The following CDH13 variants were observed in gnomAD, a reference collection of about 807,000 sequenced individuals.
CDH13 encodes cadherin 13.
CDH13 carries 24 observed loss-of-function variants against 63.8 expected under a neutral mutation model. That is an observed-to-expected ratio of 0.38 (90% CI 0.27 to 0.53). CDH13 has a LOEUF of 0.53. CDH13 is among the 20% of genes least tolerant of loss of function. The pLI, the probability that CDH13 is intolerant of heterozygous loss-of-function variation, is 0.85. For missense variants in CDH13, 1,049 were observed against 903.1 expected (o/e 1.16, Z -2.07); for synonymous variants, 503 against 355.3 (o/e 1.42, Z -4.67).
intron 1 of CDH13, among the ~76,000 whole-genome samples, chr16:82,710,963 A>C (rs1355718209): frequency 6.6e-6 from 1 of 151,744 alleles, no homozygotes; most frequent in East Asian, 1.9e-4. Context: ...TTAAAAAAAA[A>C]AGCTAGTGCA....
At chr16:83,491,923 T>A (rs1474646060) in intron 7 of CDH13, among the ~76,000 whole-genome samples, 1 of 152,140 alleles carries the variant, frequency 6.6e-6, no homozygotes, top group Middle Eastern at 3.2e-3. Context: ...CCATGGTAAG[T>A]GTTACATAAG....
chr16:83,787,050 C>G (rs9931879), intron 13 of CDH13, among the ~76,000 whole-genome samples: 20,041 of 152,160 alleles, frequency 0.13, 2,224 homozygotes, highest in African/African-American at 0.31. Flanking sequence ...TTTTACTACA[C>G]ACAAACTGAC....
intron 1 of CDH13, among the ~76,000 whole-genome samples, chr16:82,727,953 C>A (rs916262237): frequency 6.6e-6 from 1 of 152,152 alleles, no homozygotes; most frequent in East Asian, 1.9e-4. Flanking sequence ...GGTTCAAATT[C>A]CCCTGAATGA....
rs1343322414 is a variant in CDH13, at chr16:82,828,699, T to C, written c.46-29663T>C. On this transcript the variant is annotated intron_variant, in intron 1 of 13. Transcript: ENST00000567109. The stretch of plus-strand genomic sequence containing the variant: ...ATATGTATACACAAACATATATATA[T>C]ACATATATACACACACACATTCAAA... 3.3e-5 allele frequency among the ~76,000 whole-genome samples: 5 copies of C among 152,022 alleles called. No individual in the cohort carries two copies. The East Asian group carries it at 7.7e-4, about 23-fold the overall frequency.
chr16:82,763,595 TA>T (rs1215503058), intron 1 of CDH13, among the ~76,000 whole-genome samples: 1 of 152,262 alleles, frequency 6.6e-6, no homozygotes, highest in African/African-American at 2.4e-5. Context: ...AATGATAATT[TA>T]TTGAAAACAA....
At chr16:83,618,573 C>T (rs1025212753) in intron 8 of CDH13, among the ~76,000 whole-genome samples, 1 of 152,104 alleles carries the variant, frequency 6.6e-6, no homozygotes, top group Non-Finnish European at 1.5e-5. Flanking sequence ...ACCCAGGCTC[C>T]AGCCCTGCAC....
chr16:82,944,979 T>C (rs1904538101), intron 2 of CDH13, among the ~76,000 whole-genome samples: 1 of 152,098 alleles, frequency 6.6e-6, no homozygotes, highest in Non-Finnish European at 1.5e-5. Flanking sequence ...CTGTAGAAAA[T>C]ATATTATACT....
chr16:83,726,954 C>T (rs1910480545), intron 10 of CDH13, among the ~76,000 whole-genome samples: 2 of 152,270 alleles, frequency 1.3e-5, no homozygotes, highest in East Asian at 3.9e-4. Flanking sequence ...TTTAGCAGCC[C>T]TGGAAATCAT....
intron 6 of CDH13, among the ~76,000 whole-genome samples, chr16:83,412,397 G>T (rs1288459466): frequency 6.6e-6 from 1 of 152,194 alleles, no homozygotes; most frequent in Non-Finnish European, 1.5e-5. Context: ...AGGAGGCAGA[G>T]GTTGCAATGA....
intron 6 of CDH13, among the ~76,000 whole-genome samples, chr16:83,369,961 C>T (rs2091333468): frequency 6.6e-6 from 1 of 152,236 alleles, no homozygotes; most frequent in Admixed American, 6.5e-5. Context: ...TTCCCTGCAG[C>T]TGGTCTTGCT....
In CDH13 at chr16:83,032,156, CA is replaced by C; in HGVS notation, c.305del (p.His102LeufsTer9). The C allele has an allele frequency of 1.2e-6, 2 of 1,613,764 alleles. No homozygotes were observed. The highest frequency in any genetic ancestry group is 1.7e-6 in the Non-Finnish European group (2 of 1,179,798). Reference sequence around the variant, plus strand: ...TCTGTTCGTCCATGCACGGACCCCCCATGCGGAAGATATGGCAGAACTCGTG... The same window carrying C: ...TCTGTTCGTCCATGCACGGACCCCCCTGCGGAAGATATGGCAGAACTCGTG... ...KTLFVHARTP[H>X]AEDMAELVIV... is the part of the protein sequence containing the mutation. On this transcript the variant is annotated frameshift_variant, in exon 3 of 14. Transcript: ENST00000567109. LOFTEE classifies it high-confidence loss of function.
At chr16:83,686,331 A>C (rs1235438794) in intron 10 of CDH13, among the ~76,000 whole-genome samples, 2 of 152,150 alleles carry the variant, frequency 1.3e-5, no homozygotes, top group Non-Finnish European at 2.9e-5. Context: ...TTCCCTAATG[A>C]GCCACCAGAG....
chr16:82,850,975 C>G (rs1417001844), intron 1 of CDH13, among the ~76,000 whole-genome samples: 1 of 152,170 alleles, frequency 6.6e-6, no homozygotes, highest in East Asian at 1.9e-4. Context: ...GTTCATGTGA[C>G]TCACTTTATT....
intron 1 of CDH13, among the ~76,000 whole-genome samples, chr16:82,664,527 A>G (rs979642304): frequency 2.0e-5 from 3 of 152,244 alleles, no homozygotes; most frequent in Non-Finnish European, 4.4e-5. Context: ...ATAAGACACC[A>G]GTGTGCCTTT....
At chr16:83,674,402 A>T (rs374852565) in intron 9 of CDH13, among the ~76,000 whole-genome samples, 29 of 152,282 alleles carry the variant, frequency 1.9e-4, no homozygotes, top group African/African-American at 7.0e-4. Context: ...CAAATGAGAG[A>T]AGGTGCTCTT....
chr16:82,725,373 G>C (rs190856994), intron 1 of CDH13, among the ~76,000 whole-genome samples: 5 of 152,316 alleles, frequency 3.3e-5, no homozygotes, highest in Admixed American at 3.3e-4. Flanking sequence ...TAGTGAGGGA[G>C]AATAGTGGGT....
intron 6 of CDH13, among the ~76,000 whole-genome samples, chr16:83,442,646 C>T (rs892299596): frequency 3.9e-5 from 6 of 152,260 alleles, no homozygotes; most frequent in Middle Eastern, 3.4e-3. Context: ...ATGTAACAAA[C>T]GACTTTCCAA....
At chr16:83,761,677 T>G (rs1305664817) in intron 11 of CDH13, among the ~76,000 whole-genome samples, 1 of 152,216 alleles carries the variant, frequency 6.6e-6, no homozygotes, top group African/African-American at 2.4e-5. Flanking sequence ...ATTCAGATTA[T>G]AGTTCACTAT....
chr16:83,339,160 G>A (rs1402114793), intron 5 of CDH13, among the ~76,000 whole-genome samples: 1 of 152,082 alleles, frequency 6.6e-6, no homozygotes, highest in East Asian at 1.9e-4. Flanking sequence ...AATGGATGTG[G>A]GCAGGATATG....
Sources: gnomAD v4.1 joint callset for allele counts (sites outside exome capture counted in the v4.1 genomes callset) on GRCh38, gnomAD v4.1.1 for gene constraint, MANE v1.5 for transcripts, NCBI Gene and HGNC (gene_info 2026-07-23, HGNC 2026-07-21) for gene names.